The following SYNPR variants were observed in gnomAD, a reference collection of about 807,000 sequenced individuals.
SYNPR encodes the protein synaptoporin.
In SYNPR, 23 loss-of-function variants were observed where a neutral mutation model predicts 32.9. That is an observed-to-expected ratio of 0.70 (90% CI 0.50 to 0.99). The LOEUF (loss-of-function observed/expected upper bound fraction) is 0.99. Among genes scored for constraint, SYNPR ranks in the 50% least tolerant of loss-of-function variants. The probability of loss-of-function intolerance (pLI) is 0.00; values close to 1 mark genes in which losing one functional copy is unlikely to be tolerated. For synonymous variants in SYNPR, 146 were observed against 135.9 expected (o/e 1.07, Z -0.52); for missense variants, 318 against 349.3 (o/e 0.91, Z 0.71).
chr3:63,399,919 T>G (rs959487224), intron 2 of SYNPR, among the ~76,000 whole-genome samples: 8 of 152,296 alleles, frequency 5.3e-5, no homozygotes, highest in African/African-American at 1.9e-4. Flanking sequence ...CATTTTTTGC[T>G]CATTATTTTG....
At chr3:63,476,031 G>C (rs990749534) in intron 2 of SYNPR, among the ~76,000 whole-genome samples, 2 of 150,480 alleles carry the variant, frequency 1.3e-5, no homozygotes, top group African/African-American at 4.9e-5. Flanking sequence ...GTGGAAGAAA[G>C]GTAGGGAGGA....
intron 2 of SYNPR, among the ~76,000 whole-genome samples, chr3:63,479,320 T>G (rs1700995482): frequency 1.3e-5 from 2 of 152,326 alleles, no homozygotes; most frequent in Admixed American, 1.3e-4. Flanking sequence ...CCAGGACCTG[T>G]TCTAAATTCT....
rs990079150 is a variant in SYNPR at position 63,591,101 on chromosome 3, A to C, written c.409-18024A>C. Among the ~76,000 whole-genome samples the C allele has an allele frequency of 1.1e-4, 16 of 150,652 alleles. 1 individual carries two copies. The highest frequency in any genetic ancestry group is 3.4e-4 in the African/African-American group (14 of 40,962). ...CCAGAATCTACAATGAACTCAAACA[A>C]ATTTACGAGAAAAAAACAAACAACC... On this transcript the variant is annotated intron_variant, in intron 4 of 5. Coordinates refer to ENST00000478300, the MANE Select transcript of SYNPR (RefSeq NM_001130003.2).
chr3:63,352,222 A>G (rs1458979585), intron 2 of SYNPR, among the ~76,000 whole-genome samples: 1 of 152,162 alleles, frequency 6.6e-6, no homozygotes, highest in African/African-American at 2.4e-5. Flanking sequence ...GAAGGCTTGC[A>G]AGGAGCTGTT....
At chr3:63,358,272 G>A (rs62251368) in intron 2 of SYNPR, among the ~76,000 whole-genome samples, 19,945 of 152,170 alleles carry the variant, frequency 0.13, 1,545 homozygotes, top group Middle Eastern at 0.17. Flanking sequence ...AGGTGTTCAC[G>A]GGGCTGTGAT....
At chr3:63,467,846 A>T (rs1559507858) in intron 2 of SYNPR, among the ~76,000 whole-genome samples, 1 of 152,096 alleles carries the variant, frequency 6.6e-6, no homozygotes, top group Non-Finnish European at 1.5e-5. Flanking sequence ...TTGGAGAGAG[A>T]TGATTTGATG....
intron 2 of SYNPR, among the ~76,000 whole-genome samples, chr3:63,281,687 C>T (rs763436291): frequency 6.6e-6 from 1 of 152,134 alleles, no homozygotes; most frequent in Non-Finnish European, 1.5e-5. Context: ...GGCCCCACCC[C>T]CTAAGACCAT....
chr3:63,451,878 A>T (rs1559503217), intron 2 of SYNPR, among the ~76,000 whole-genome samples: 1 of 151,786 alleles, frequency 6.6e-6, no homozygotes, highest in East Asian at 1.9e-4. Flanking sequence ...GTTAGCTCAA[A>T]TTTTTTTTGA....
chr3:63,386,387 G>C (rs2088045259), intron 2 of SYNPR, among the ~76,000 whole-genome samples: 1 of 152,190 alleles, frequency 6.6e-6, no homozygotes, highest in Non-Finnish European at 1.5e-5. Context: ...TGCCATCTTA[G>C]AAGGCATGGG....
chr3:63,397,103 CAAAAAAAA>C (rs10601486), intron 2 of SYNPR, among the ~76,000 whole-genome samples: 1 of 99,220 alleles, frequency 1.0e-5, no homozygotes, highest in Non-Finnish European at 2.0e-5. Flanking sequence ...GACTCCGTCT[CAAAAAAAA>C]AAAAAAAAAA....
In SYNPR at chr3:63,260,255, A is replaced by T. The variant is rs188048653; in HGVS notation, n.155-7062A>T. Among the ~76,000 whole-genome samples, 422 of 152,348 alleles carry T rather than the reference A, an allele frequency of 2.8e-3. 1 individual carries two copies. Among genetic ancestry groups the T allele is most frequent in the African/African-American group, 9.5e-3 (395 of 41,576 alleles). On this transcript the variant is annotated intron_variant and non_coding_transcript_variant, in intron 2 of 4. Transcript: ENST00000478456. ...CATATGGAACCAAAAACGAGCCCGCATCGCCAAGTCAATCCTAAGCCAAAA... is the reference window on the plus strand; with the variant it reads ...CATATGGAACCAAAAACGAGCCCGCTTCGCCAAGTCAATCCTAAGCCAAAA...
intron 2 of SYNPR, among the ~76,000 whole-genome samples, chr3:63,446,908 T>G (rs1700288280): frequency 6.6e-6 from 1 of 152,098 alleles, no homozygotes. Flanking sequence ...ACCCAGTTAG[T>G]TAAAAAAAGT....
rs1178908925 is a variant in SYNPR, at chr3:63,547,046, C to T, written c.210-9497C>T. On this transcript the variant is annotated intron_variant, in intron 3 of 5. Coordinates refer to ENST00000478300, the MANE Select transcript of SYNPR (RefSeq NM_001130003.2). ...GTAGGTACAGTCATCTCAATGTCCA[C>T]TGACCTTCCTGGAAACAAATAGCAT... 2.0e-5 allele frequency among the ~76,000 whole-genome samples: 3 copies of T among 152,138 alleles called. No homozygotes were observed. In the East Asian group the frequency reaches 5.8e-4, roughly 29 times the overall value.
intron 2 of SYNPR, among the ~76,000 whole-genome samples, chr3:63,345,313 T>C (rs917875286): frequency 6.6e-6 from 1 of 152,246 alleles, no homozygotes; most frequent in African/African-American, 2.4e-5. Flanking sequence ...ATAGTTAACT[T>C]GGCCTATGGC....
chr3:63,273,949 G>A (rs978926583), upstream of SYNPR, among the ~76,000 whole-genome samples: 1 of 152,068 alleles, frequency 6.6e-6, no homozygotes, highest in African/African-American at 2.4e-5. Flanking sequence ...ACAATCTCCT[G>A]TCCTGTGTAC....
intron 2 of SYNPR, among the ~76,000 whole-genome samples, chr3:63,301,827 CATCTT>C (rs987425347): frequency 1.3e-5 from 2 of 152,038 alleles, no homozygotes; most frequent in Non-Finnish European, 2.9e-5. Context: ...GTAAAGTTCT[CATCTT>C]GTCTTCTCCA....
chr3:63,291,282 C>G (rs374397191), intron 2 of SYNPR, among the ~76,000 whole-genome samples: 2 of 152,142 alleles, frequency 1.3e-5, no homozygotes, highest in East Asian at 3.9e-4. Context: ...ATGTCTTTAT[C>G]TTTCTGCCTC....
In SYNPR at chr3:63,278,318, G is replaced by A. The variant is rs1244187676; in HGVS notation, c.-216G>A. 6.7e-6 allele frequency: 4 copies of A among 596,914 alleles called. No homozygotes were observed. Among genetic ancestry groups the A allele is most frequent in the Non-Finnish European group, 1.2e-5 (4 of 337,242 alleles). The allele number at this position is 596,914 out of a possible 1,614,324, so 37.0% of individuals were successfully genotyped here. On this transcript the variant is annotated 5_prime_UTR_variant, in exon 1 of 6. Coordinates refer to ENST00000478300, the MANE Select transcript of SYNPR (RefSeq NM_001130003.2). ...AGCTCTTCCCTGCCCACCCCTCGCT[G>A]ACTCGCTTCGCTTCCCCGACGCGCT...
chr3:63,440,044 A>G (rs1700140852), intron 2 of SYNPR, among the ~76,000 whole-genome samples: 1 of 152,222 alleles, frequency 6.6e-6, no homozygotes, highest in African/African-American at 2.4e-5. Flanking sequence ...TGAACAAATA[A>G]ATAAGCAAGA....
Sources: gnomAD v4.1 joint callset for allele counts (sites outside exome capture counted in the v4.1 genomes callset) on GRCh38, gnomAD v4.1.1 for gene constraint, MANE v1.5 for transcripts, NCBI Gene and HGNC (gene_info 2026-07-23, HGNC 2026-07-21) for gene names.